MCPH1: variants seen among roughly 807,000 people sequenced by gnomAD.
The protein encoded by MCPH1 is microcephalin.
MCPH1 carries 104 observed loss-of-function variants against 84.5 expected under a neutral mutation model. The observed-to-expected ratio is 1.23, with a 90% CI of 1.05 to 1.45. The LOEUF (loss-of-function observed/expected upper bound fraction) is 1.45, where lower values mean the gene tolerates loss of function less well. Ranked by LOEUF, MCPH1 falls within the 40% of genes most tolerant of loss-of-function variation. The pLI, the probability that MCPH1 is intolerant of heterozygous loss-of-function variation, is 0.00. For missense variants in MCPH1, 1,498 were observed against 1,005.7 expected, an observed-to-expected ratio of 1.49 and a Z score of -6.62; for synonymous variants, 514 against 366.8, an observed-to-expected ratio of 1.40 and a Z score of -4.58.
chr8:6,601,244 A>C (rs1829336903), intron 12 of MCPH1, among the ~76,000 whole-genome samples: 1 of 152,162 alleles, frequency 6.6e-6, no homozygotes, highest in African/African-American at 2.4e-5. Context: ...TTGCAGGTGC[A>C]TCTCTGGAAA....
intron 12 of MCPH1, among the ~76,000 whole-genome samples, chr8:6,530,548 C>A (rs868728952): frequency 8.4e-6 from 1 of 118,362 alleles, no homozygotes; most frequent in Non-Finnish European, 1.8e-5. Context: ...GCAAAATCTG[C>A]AGTTACTTTT....
chr8:6,532,325 T>C, intron 12 of MCPH1: 1 of 1,614,164 alleles, frequency 6.2e-7, no homozygotes, highest in African/African-American at 1.3e-5. Context: ...TATGTGGCAT[T>C]ACTTACTTGG....
At chr8:6,481,950 G>C (rs1809300384) in intron 11 of MCPH1, among the ~76,000 whole-genome samples, 1 of 152,176 alleles carries the variant, frequency 6.6e-6, no homozygotes, top group African/African-American at 2.4e-5. Flanking sequence ...GTCTTTAAAT[G>C]CATTCTTTTC....
intron 11 of MCPH1, among the ~76,000 whole-genome samples, chr8:6,499,260 CGT>C (rs1563291849): frequency 6.6e-6 from 1 of 151,690 alleles, no homozygotes; most frequent in Non-Finnish European, 1.5e-5. Context: ...ATCATTTTAC[CGT>C]GTGGGGATTC....
intron 12 of MCPH1, among the ~76,000 whole-genome samples, chr8:6,596,701 C>A (rs1031838205): frequency 6.6e-6 from 1 of 152,114 alleles, no homozygotes; most frequent in African/African-American, 2.4e-5. Flanking sequence ...TGCCGGAGAC[C>A]AGCACAGATC....
At position 6,445,026 on chromosome 8, in the gene MCPH1, T is replaced by A; in HGVS notation, c.1304T>A (p.Leu435Gln). Residue 435 changes from leucine to glutamine, a missense_variant, in exon 8 of 14, where the codon CTG (leucine) becomes CAG (glutamine). Physicochemically the swap from Leu to Gln is moderately radical, Grantham distance 113 (BLOSUM62 -2). Coordinates refer to ENST00000344683, the MANE Select transcript of MCPH1 (RefSeq NM_024596.5). The part of the protein sequence containing the change: ...YSENLPPESQ[L>Q]PSSPAQLSCR... ...GAGAATCTTCCTCCTGAATCTCAGC[T>A]GCCATCAAGCCCTGCTCAGTTGAGC... The A allele has an allele frequency of 6.2e-7, 1 of 1,614,246 alleles. No homozygotes were observed. Among genetic ancestry groups the A allele is most frequent in the South Asian group, 1.1e-5 (1 of 91,090 alleles).
At chr8:6,589,191 G>C (rs1029890245) in intron 12 of MCPH1, among the ~76,000 whole-genome samples, 2 of 152,212 alleles carry the variant, frequency 1.3e-5, no homozygotes, top group Non-Finnish European at 1.5e-5. Flanking sequence ...TGACATAGAA[G>C]TGAAGGCATT....
At chr8:6,485,624 T>C (rs532945795) in intron 11 of MCPH1, among the ~76,000 whole-genome samples, 12 of 152,270 alleles carry the variant, frequency 7.9e-5, no homozygotes, top group Non-Finnish European at 1.5e-4. Context: ...TGGCAAAACG[T>C]CACAAATGTA....
In MCPH1 at chr8:6,611,363, G is replaced by A. The variant is rs114492713; in HGVS notation, c.2215-10091G>A. Reference sequence around the variant, plus strand: ...GTTCTAACTGACCAGCGGTAAATCAGGGGTTGCCACAACCCCCTCCTGGGA... The same window carrying A: ...GTTCTAACTGACCAGCGGTAAATCAAGGGTTGCCACAACCCCCTCCTGGGA... On this transcript the variant is annotated intron_variant, in intron 12 of 13. Coordinates refer to ENST00000344683, the MANE Select transcript of MCPH1 (RefSeq NM_024596.5). Among the ~76,000 whole-genome samples, 443 of 152,294 alleles carry A rather than the reference G, an allele frequency of 2.9e-3. 5 individuals carry two copies. The highest frequency in any genetic ancestry group is 0.01 in the African/African-American group (427 of 41,564).
At chr8:6,542,686 A>G (rs1821833576) in intron 12 of MCPH1, among the ~76,000 whole-genome samples, 1 of 151,338 alleles carries the variant, frequency 6.6e-6, no homozygotes, top group African/African-American at 2.4e-5. Context: ...ATGGCCTTTT[A>G]CGTCTCCTCT....
chr8:6,598,418 T>C (rs1219343941), intron 12 of MCPH1, among the ~76,000 whole-genome samples: 1 of 151,824 alleles, frequency 6.6e-6, no homozygotes, highest in Non-Finnish European at 1.5e-5. Flanking sequence ...AGAGTGCAGC[T>C]CTGAGCCTCA....
chr8:6,609,464 A>G (rs1407941130), intron 12 of MCPH1, among the ~76,000 whole-genome samples: 4 of 152,256 alleles, frequency 2.6e-5, no homozygotes, highest in African/African-American at 7.2e-5. Context: ...CTTAAAAGAA[A>G]AAAACCTCAA....
intron 13 of MCPH1, chr8:6,624,785 T>G: frequency 1.0e-6 from 1 of 984,746 alleles, no homozygotes; most frequent in Non-Finnish European, 1.2e-6. Context: ...CACGTAAACC[T>G]ACAGAACACA....
chr8:6,464,806 T>G (rs1364660118), intron 9 of MCPH1, among the ~76,000 whole-genome samples: 1 of 152,218 alleles, frequency 6.6e-6, no homozygotes, highest in African/African-American at 2.4e-5. Flanking sequence ...GAGACCAGCC[T>G]GGCCAACATG....
At chr8:6,416,121 T>C (rs13264652) in intron 3 of MCPH1, among the ~76,000 whole-genome samples, 38,673 of 152,214 alleles carry the variant, frequency 0.25, 6,396 homozygotes, top group Non-Finnish European at 0.37. Context: ...TGCAGGTGAT[T>C]GTTGTATGTT....
At chr8:6,473,779 A>G (rs1221652590) in intron 9 of MCPH1, 16 of 947,126 alleles carry the variant, frequency 1.7e-5, no homozygotes, top group Non-Finnish European at 1.8e-5. Flanking sequence ...TACTTAAACA[A>G]TTTCTATGAT....
intron 2 of MCPH1, among the ~76,000 whole-genome samples, chr8:6,412,444 C>T (rs947609119): frequency 3.9e-5 from 6 of 152,168 alleles, no homozygotes; most frequent in African/African-American, 1.2e-4. Context: ...GATCAATAGT[C>T]GTTAACATCG....
At chr8:6,414,263 C>G (rs1798941748) in intron 2 of MCPH1, among the ~76,000 whole-genome samples, 1 of 152,262 alleles carries the variant, frequency 6.6e-6, no homozygotes, top group Non-Finnish European at 1.5e-5. Context: ...CTGCCTCGGC[C>G]TCCCAAAGTG....
intron 9 of MCPH1, among the ~76,000 whole-genome samples, chr8:6,460,505 C>T (rs1585899520): frequency 6.6e-6 from 1 of 152,138 alleles, no homozygotes; most frequent in Non-Finnish European, 1.5e-5. Flanking sequence ...CGGGAGCCTT[C>T]ATGCCCTCTA....
Sources: allele counts gnomAD v4.1 joint callset (sites outside exome capture counted in the v4.1 genomes callset), GRCh38; gene constraint gnomAD v4.1.1; transcripts MANE v1.5; gene names NCBI Gene and HGNC (gene_info 2026-07-23, HGNC 2026-07-21).